The following PWWP2B variants were observed in gnomAD, a reference collection of about 807,000 sequenced individuals.
The protein encoded by PWWP2B is PWWP domain containing 2B.
PWWP2B carries 9 observed loss-of-function variants against 15.5 expected under a neutral mutation model. The ratio of observed to expected loss-of-function variants is 0.58; its 90% confidence interval spans 0.35 to 1.02. The LOEUF is 1.02. Ranked by LOEUF, PWWP2B falls within the 50% of genes least tolerant of loss-of-function variation. The pLI, the probability that PWWP2B is intolerant of heterozygous loss-of-function variation, is 0.02. For synonymous variants in PWWP2B, 474 were observed against 403.6 expected, an observed-to-expected ratio of 1.17 and a Z score of -2.09; for missense variants, 864 against 865.3, an observed-to-expected ratio of 1.00 and a Z score of 0.02.
Position 132,411,100 on chromosome 10 carries a change from G to A in PWWP2B, c.*16+4811G>A, listed in dbSNP as rs756776795. 2.6e-5 allele frequency among the ~76,000 whole-genome samples: 4 copies of A among 152,202 alleles called. No homozygotes were observed. The East Asian group carries it at 7.7e-4, about 29-fold the overall frequency. Reference sequence around the variant, plus strand: ...ACACACTGGGGCTCTGAGACCACAGGCGTTTATTCCCACGCCTCTGGGGGT... The same window carrying A: ...ACACACTGGGGCTCTGAGACCACAGACGTTTATTCCCACGCCTCTGGGGGT... On this transcript the variant is annotated intron_variant, in intron 2 of 2. Coordinates refer to ENST00000305233, the MANE Select transcript of PWWP2B (RefSeq NM_138499.4).
intron 1 of PWWP2B, among the ~76,000 whole-genome samples, chr10:132,398,469 C>A: frequency 6.6e-6 from 1 of 152,346 alleles, no homozygotes; most frequent in African/African-American, 2.4e-5. Flanking sequence ...CTTCCTCTGG[C>A]GGGCAGGGTT....
At position 132,407,829 on chromosome 10, in the gene PWWP2B, GC is replaced by G. The variant is rs1247387384; in HGVS notation, c.*16+1542del. Among the ~76,000 whole-genome samples, 33 of 152,344 alleles carry G rather than the reference GC, an allele frequency of 2.2e-4. No individual in the cohort carries two copies. The Middle Eastern group carries it at 0.01, about 47-fold the overall frequency. ...AGCTTGAGTCTGGGGAGTGTCTCAA[GC>G]CAGGGCACCATCTTCTGAGGGGTAG... On this transcript the variant is annotated intron_variant, in intron 2 of 2. Transcript: ENST00000305233.
chr10:132,411,401 G>A (rs1486968741), intron 2 of PWWP2B, among the ~76,000 whole-genome samples: 2 of 152,244 alleles, frequency 1.3e-5, no homozygotes, highest in African/African-American at 4.8e-5. Flanking sequence ...CTCCCAGGAC[G>A]AGGAGCACCC....
intron 2 of PWWP2B, among the ~76,000 whole-genome samples, 175 bp downstream of exon 2, chr10:132,406,464 C>T (rs1380420269): frequency 6.6e-6 from 1 of 152,262 alleles, no homozygotes; most frequent in Non-Finnish European, 1.5e-5. Context: ...GTGATGCCAT[C>T]TGCGCTTCTG....
chr10:132,409,727 C>T (rs1243007217), intron 2 of PWWP2B, among the ~76,000 whole-genome samples: 2 of 147,588 alleles, frequency 1.4e-5, no homozygotes, highest in African/African-American at 2.5e-5. Context: ...GGCTGTGAAT[C>T]ACCAGTTCCC....
intron 2 of PWWP2B, among the ~76,000 whole-genome samples, chr10:132,414,067 C>G (rs1440032754): frequency 6.6e-6 from 1 of 152,186 alleles, no homozygotes; most frequent in East Asian, 1.9e-4. Flanking sequence ...GCTCCATGAG[C>G]GAGGGTCATC....
intron 1 of PWWP2B, among the ~76,000 whole-genome samples, chr10:132,402,172 C>T (rs4880371): frequency 0.21 from 32,685 of 152,204 alleles, 3,725 homozygotes; most frequent in East Asian, 0.36. Context: ...AACCCCTGGC[C>T]TGTGGCTGAA....
chr10:132,411,053 G>T (rs1386956966), intron 2 of PWWP2B, among the ~76,000 whole-genome samples: 3 of 152,208 alleles, frequency 2.0e-5, no homozygotes, highest in Non-Finnish European at 4.4e-5. Flanking sequence ...TGAGTTTCCT[G>T]TAGCTGCTGT....
intron 2 of PWWP2B, among the ~76,000 whole-genome samples, chr10:132,413,729 G>T (rs12764870): frequency 2.0e-5 from 3 of 152,124 alleles, no homozygotes; most frequent in African/African-American, 7.2e-5. Context: ...CCCGCCCCTC[G>T]CCTCCTTGTG....
chr10:132,404,671 C>G lies in PWWP2B; in HGVS notation c.171C>G (p.Val57=). The G allele has an allele frequency of 6.2e-7, 1 of 1,612,678 alleles. No homozygotes were observed. Among genetic ancestry groups the G allele is most frequent in the Non-Finnish European group, 8.5e-7 (1 of 1,179,800 alleles). ...CCCCGTTGGCTCCGCTGCCCCAGGTCGATGAGTCCCCTGTCAACGACAGCC... is the reference window on the plus strand; with the variant it reads ...CCCCGTTGGCTCCGCTGCCCCAGGTGGATGAGTCCCCTGTCAACGACAGCC... ...GLPPLAPLPQ[V]DESPVNDSHG... is the part of the protein sequence containing the mutation. The change falls in exon 2 of 3, where the codon GTC becomes GTG. Residue 57 remains valine (V), a synonymous_variant. Coordinates refer to ENST00000305233, the MANE Select transcript of PWWP2B (RefSeq NM_138499.4).
intron 2 of PWWP2B, among the ~76,000 whole-genome samples, chr10:132,408,923 C>T (rs1335803798): frequency 1.3e-5 from 2 of 152,188 alleles, no homozygotes; most frequent in South Asian, 2.1e-4. Flanking sequence ...ACGGGCACAT[C>T]GGCCTCAGCA....
chr10:132,415,724 CAT>C (rs1250717113), intron 2 of PWWP2B, among the ~76,000 whole-genome samples: 1 of 149,772 alleles, frequency 6.7e-6, no homozygotes, highest in African/African-American at 2.5e-5. Flanking sequence ...CTCACACACA[CAT>C]CCACTCACAC....
chr10:132,404,028 TTCTCCAGGGCTCCTGCAGGAC>T (rs2069647400), intron 1 of PWWP2B, among the ~76,000 whole-genome samples: 1 of 81,250 alleles, frequency 1.2e-5, no homozygotes, highest in South Asian at 4.3e-4. Flanking sequence ...CAGGACGGCA[TTCTCCAGGGCTCCTGCAGGAC>T]GGCATTCTCC....
intron 2 of PWWP2B, among the ~76,000 whole-genome samples, chr10:132,415,633 T>TCACA (rs879312172): frequency 0.1 from 13,745 of 132,474 alleles, 911 homozygotes; most frequent in African/African-American, 0.23. Context: ...ACACATCCAC[T>TCACA]CACACACCCA....
intron 2 of PWWP2B, among the ~76,000 whole-genome samples, chr10:132,415,855 TC>T (rs2069846479): frequency 6.6e-6 from 1 of 152,228 alleles, no homozygotes; most frequent in African/African-American, 2.4e-5. Flanking sequence ...GTAGCATTGA[TC>T]CCGGCTTGGT....
At chr10:132,415,553 T>G (rs113282686) in intron 2 of PWWP2B, among the ~76,000 whole-genome samples, 11,006 of 129,048 alleles carry the variant, frequency 0.085, 488 homozygotes, top group Middle Eastern at 0.16. Flanking sequence ...TCACACACAT[T>G]CACACAAACA....
At chr10:132,406,316 C>A (rs758711477) in intron 2 of PWWP2B, 27 bp downstream of exon 2, 1 of 1,545,536 alleles carries the variant, frequency 6.5e-7, no homozygotes, top group Non-Finnish European at 8.8e-7. Flanking sequence ...CAGCCTCCTT[C>A]CCCCCAGCGG....
intron 1 of PWWP2B, among the ~76,000 whole-genome samples, chr10:132,401,466 G>C (rs531307608): frequency 1.3e-5 from 2 of 151,638 alleles, no homozygotes; most frequent in African/African-American, 4.8e-5. Flanking sequence ...GCTCTAAAAG[G>C]GCAGCCTGGA....
rs767884766 is a variant in PWWP2B at position 132,405,365 on chromosome 10, G to A, written c.865G>A (p.Asp289Asn). ...PFRPQQAPQD[D>N]GSQDPEVLDR... The stretch of plus-strand genomic sequence containing the variant: ...CCGTCCCCAGCAGGCCCCGCAGGAC[G>A]ACGGCAGCCAGGACCCCGAGGTGCT... Residue 289 changes from aspartate (D) to asparagine (N), a missense_variant, in exon 2 of 3, where the codon GAC becomes AAC. By Grantham distance (23) the Asp-to-Asn change is conservative (BLOSUM62 1). Coordinates refer to ENST00000305233, the MANE Select transcript of PWWP2B (RefSeq NM_138499.4). 1.2e-6 allele frequency: 2 copies of A among 1,611,098 alleles called. No homozygotes were observed. The highest frequency in any genetic ancestry group is 1.3e-5 in the African/African-American group (1 of 74,916).
Sources: allele counts gnomAD v4.1 joint callset (sites outside exome capture counted in the v4.1 genomes callset), GRCh38; gene constraint gnomAD v4.1.1; transcripts MANE v1.5; gene names NCBI Gene and HGNC (gene_info 2026-07-23, HGNC 2026-07-21).